PDS5B: variants seen among roughly 807,000 people sequenced by gnomAD.
PDS5B encodes PDS5 cohesin associated factor B.
PDS5B carries 51 observed loss-of-function variants against 184.1 expected under a neutral mutation model. The observed-to-expected ratio is 0.28, with a 90% CI of 0.22 to 0.35. The LOEUF (loss-of-function observed/expected upper bound fraction) is 0.35. PDS5B is among the 10% of genes least tolerant of loss of function. The probability of loss-of-function intolerance (pLI) is 1.00; values close to 1 mark genes in which losing one functional copy is unlikely to be tolerated. For synonymous variants in PDS5B, 566 were observed against 569.2 expected (o/e 0.99, Z 0.08); for missense variants, 1,180 against 1,723.3 (o/e 0.68, Z 5.58).
intron 26 of PDS5B, among the ~76,000 whole-genome samples, chr13:32,757,623 TTCTC>T (rs1226625971): frequency 5.9e-5 from 9 of 152,370 alleles, no homozygotes; most frequent in South Asian, 2.1e-4. Flanking sequence ...TCTTGACTTT[TTCTC>T]TCTATTATTG....
At chr13:32,614,495 A>G (rs181260796) in intron 1 of PDS5B, among the ~76,000 whole-genome samples, 2 of 152,050 alleles carry the variant, frequency 1.3e-5, no homozygotes, top group Admixed American at 1.3e-4. Flanking sequence ...AAGGGGTTTC[A>G]CCATGTTGAC....
intron 1 of PDS5B, among the ~76,000 whole-genome samples, chr13:32,626,529 C>T (rs2058373415): frequency 6.6e-6 from 1 of 151,868 alleles, no homozygotes; most frequent in Admixed American, 6.6e-5. Context: ...TTAGTTTTGC[C>T]TCCTGCTTTT....
intron 15 of PDS5B, among the ~76,000 whole-genome samples, chr13:32,697,489 T>C (rs1179543001): frequency 6.6e-6 from 1 of 152,206 alleles, no homozygotes; most frequent in Non-Finnish European, 1.5e-5. Context: ...GATCTTAAGA[T>C]GGATCTGAGA....
intron 18 of PDS5B, 34 bp downstream of exon 18, chr13:32,707,073 G>A: frequency 8.7e-7 from 1 of 1,149,482 alleles, no homozygotes; most frequent in African/African-American, 1.5e-5. Context: ...TGCCTAATTA[G>A]ATATCTGTTT....
intron 20 of PDS5B, among the ~76,000 whole-genome samples, chr13:32,733,423 A>C (rs1343747424): frequency 1.3e-5 from 2 of 152,184 alleles, no homozygotes; most frequent in Non-Finnish European, 2.9e-5. Flanking sequence ...CCAAACTTAT[A>C]ATCTAATTGA....
chr13:32,742,323 G>C (rs1456570203), intron 22 of PDS5B, among the ~76,000 whole-genome samples: 1 of 152,108 alleles, frequency 6.6e-6, no homozygotes, highest in Non-Finnish European at 1.5e-5. Flanking sequence ...TGATTTTACT[G>C]TATGTTCTAC....
intron 20 of PDS5B, among the ~76,000 whole-genome samples, chr13:32,734,904 G>C (rs1953271035): frequency 6.6e-6 from 1 of 152,116 alleles, no homozygotes; most frequent in Non-Finnish European, 1.5e-5. Context: ...GTGTCGAAAT[G>C]TTTCTTTACC....
chr13:32,760,802 T>A lies in PDS5B; in HGVS notation c.3518+82T>A, dbSNP rs185323345. The A allele has an allele frequency of 4.9e-5, 64 of 1,300,910 alleles. No homozygotes were observed. In the East Asian group the frequency reaches 1.6e-3, roughly 32 times the overall value. 80.6% of individuals were successfully genotyped at this position (1,300,910 alleles called of 1,614,324 possible). On this transcript the variant is annotated intron_variant, in intron 30 of 34. Coordinates refer to ENST00000315596, the MANE Select transcript of PDS5B (RefSeq NM_015032.4). ...ATCTGAAATAATATAATCCAAAATG[T>A]TTCATGTCAGTAAATGGAAAGTAAT... is the stretch of plus-strand genomic sequence containing the variant.
intron 20 of PDS5B, among the ~76,000 whole-genome samples, chr13:32,733,557 C>T (rs1953198529): frequency 6.6e-6 from 1 of 152,088 alleles, no homozygotes; most frequent in Non-Finnish European, 1.5e-5. Flanking sequence ...GTATTTTTGA[C>T]TAAATGAAGC....
intron 8 of PDS5B, among the ~76,000 whole-genome samples, chr13:32,674,950 AT>A (rs777498856): frequency 2.1e-4 from 30 of 144,722 alleles, no homozygotes; most frequent in Middle Eastern, 3.6e-3. Flanking sequence ...TCTTATTTTA[AT>A]TTTTTTTTTT....
chr13:32,755,678 T>C (rs1398392321), intron 25 of PDS5B, among the ~76,000 whole-genome samples, 164 bp from the exon 26 acceptor site: 1 of 152,154 alleles, frequency 6.6e-6, no homozygotes, highest in African/African-American at 2.4e-5. Flanking sequence ...TATTTCAATA[T>C]ATTTTTCTTC....
At chr13:32,621,220 C>A (rs541067259) in intron 1 of PDS5B, among the ~76,000 whole-genome samples, 3 of 152,132 alleles carry the variant, frequency 2.0e-5, no homozygotes, top group African/African-American at 7.2e-5. Context: ...TCCCAGCACT[C>A]TGGGAGGCCA....
At position 32,741,056 on chromosome 13, in the gene PDS5B, T is replaced by TG. The variant is rs1566397444; in HGVS notation, c.2407-24_2407-23insG. ...TTTACATTTTAAAGTCCCTGGTTTT[T>TG]TTTTTTTTCTCGTTTATTTTTAGCT... On this transcript the variant is annotated intron_variant, in intron 21 of 34. Coordinates refer to ENST00000315596, the MANE Select transcript of PDS5B (RefSeq NM_015032.4). 2 of 1,307,816 alleles carry TG rather than the reference T, an allele frequency of 1.5e-6. 1 individual carries two copies. Among genetic ancestry groups the TG allele is most frequent in the Non-Finnish European group, 2.2e-6 (2 of 922,124 alleles). 81.0% of individuals were successfully genotyped at this position (1,307,816 alleles called of 1,614,324 possible). A position where few individuals can be genotyped will look rare whatever the true frequency, so the allele number is the denominator to read the frequency against.
chr13:32,631,013 C>T (rs532749), intron 1 of PDS5B, among the ~76,000 whole-genome samples: 237 of 152,104 alleles, frequency 1.6e-3, no homozygotes, highest in African/African-American at 5.3e-3. Flanking sequence ...AGGCTGGTCT[C>T]GAACTCCTGT....
rs190601137 is a variant in PDS5B at position 32,656,126 on chromosome 13, G to T, written c.313-2113G>T. 2.0e-5 allele frequency among the ~76,000 whole-genome samples: 3 copies of T among 152,200 alleles called. No homozygotes were observed. The East Asian group carries it at 5.8e-4, about 29-fold the overall frequency. ...GTTTTTGTGCTTTTGTTGAAAATCAGATGGTTGTAGGTGTGTAGCATTATT... is the reference window on the plus strand; with the variant it reads ...GTTTTTGTGCTTTTGTTGAAAATCATATGGTTGTAGGTGTGTAGCATTATT... On this transcript the variant is annotated intron_variant, in intron 3 of 34. Transcript: ENST00000315596.
At chr13:32,613,139 G>T (rs2058167524) in intron 1 of PDS5B, among the ~76,000 whole-genome samples, 1 of 152,078 alleles carries the variant, frequency 6.6e-6, no homozygotes, top group East Asian at 1.9e-4. Flanking sequence ...TTGCTTATCA[G>T]TTTGATGAGC....
chr13:32,665,608 A>G (rs1052297583), intron 6 of PDS5B, among the ~76,000 whole-genome samples: 1 of 150,558 alleles, frequency 6.6e-6, no homozygotes, highest in African/African-American at 2.4e-5. Flanking sequence ...AAAAAAAAAA[A>G]AAAAAAGAAA....
At chr13:32,676,912 CAG>C (rs1951080482) in intron 9 of PDS5B, among the ~76,000 whole-genome samples, 1 of 112,748 alleles carries the variant, frequency 8.9e-6, no homozygotes. Flanking sequence ...GCCTGGGCGA[CAG>C]AGCGAGACTC....
At chr13:32,604,374 C>T (rs1199537162) in intron 1 of PDS5B, among the ~76,000 whole-genome samples, 2 of 152,228 alleles carry the variant, frequency 1.3e-5, no homozygotes, top group Admixed American at 6.5e-5. Flanking sequence ...TGCTGGATTA[C>T]GTTTATTGAT....
Sources: allele counts gnomAD v4.1 joint callset (sites outside exome capture counted in the v4.1 genomes callset), GRCh38; gene constraint gnomAD v4.1.1; transcripts MANE v1.5; gene names NCBI Gene and HGNC (gene_info 2026-07-23, HGNC 2026-07-21).